Variants in HMCN1 observed in about 807,000 individuals in gnomAD.
HMCN1 encodes the protein hemicentin 1, also known as hemicentin-1.
Under a neutral mutation model 625.9 loss-of-function variants are expected in HMCN1, and 321 were observed. The ratio of observed to expected loss-of-function variants is 0.51; its 90% CI spans 0.47 to 0.56. The LOEUF (loss-of-function observed/expected upper bound fraction) is 0.56, where lower values mean the gene tolerates loss of function less well. Ranked by LOEUF, HMCN1 falls within the 20% of genes least tolerant of loss-of-function variation. HMCN1 has a pLI of 0.00. For synonymous variants in HMCN1, 2,425 were observed against 2,417.6 expected (o/e 1.00, Z -0.09); for missense variants, 6,588 against 6,887.3 (o/e 0.96, Z 1.54).
chr1:185,777,093 G>A (rs557212433), intron 1 of HMCN1, among the ~76,000 whole-genome samples: 65 of 152,206 alleles, frequency 4.3e-4, no homozygotes, highest in African/African-American at 1.5e-3. Flanking sequence ...GTCTTATTTT[G>A]CATAATTTTC....
chr1:185,870,218 A>T (rs1477679282), intron 4 of HMCN1, among the ~76,000 whole-genome samples: 1 of 152,154 alleles, frequency 6.6e-6, no homozygotes, highest in Non-Finnish European at 1.5e-5. Flanking sequence ...TTCACCTTTG[A>T]ATACAGACAA....
chr1:185,985,006 A>G (rs921009596), intron 19 of HMCN1, among the ~76,000 whole-genome samples: 4 of 152,226 alleles, frequency 2.6e-5, no homozygotes, highest in African/African-American at 9.6e-5. Flanking sequence ...ATCTGAGGGA[A>G]GAAAGTACTA....
At chr1:185,887,237 A>T (rs142515074) in intron 4 of HMCN1, among the ~76,000 whole-genome samples, 1 of 152,144 alleles carries the variant, frequency 6.6e-6, no homozygotes, top group South Asian at 2.1e-4. Flanking sequence ...ACATTTTCTC[A>T]TCCATACTAA....
rs542199919 is a variant in HMCN1, at chr1:186,063,597, A to G, written c.7513+997A>G. On this transcript the variant is annotated intron_variant, in intron 48 of 106. Coordinates refer to ENST00000271588, the MANE Select transcript of HMCN1 (RefSeq NM_031935.3). Reference sequence around the variant, plus strand: ...CTTACATGTATGTTTATCTTGCCCTACCTTTTTAAATTTTTGTTTCCTTCC... The same window carrying G: ...CTTACATGTATGTTTATCTTGCCCTGCCTTTTTAAATTTTTGTTTCCTTCC... Among the ~76,000 whole-genome samples the G allele has an allele frequency of 2.6e-5, 4 of 152,064 alleles. No individual in the cohort carries two copies. The East Asian group carries it at 7.7e-4, about 29-fold the overall frequency.
chr1:185,790,568 T>C (rs1657920392), intron 1 of HMCN1, among the ~76,000 whole-genome samples: 1 of 152,174 alleles, frequency 6.6e-6, no homozygotes, highest in African/African-American at 2.4e-5. Context: ...AAAGGAAAAG[T>C]GGAGAGGAAA....
At chr1:185,811,286 T>C (rs1394186140) in intron 1 of HMCN1, among the ~76,000 whole-genome samples, 1 of 152,160 alleles carries the variant, frequency 6.6e-6, no homozygotes, top group Non-Finnish European at 1.5e-5. Context: ...TGCCCTCCAC[T>C]GTGCTCCATT....
chr1:186,175,942 C>CA (rs985218973), intron 103 of HMCN1, among the ~76,000 whole-genome samples: 1 of 149,412 alleles, frequency 6.7e-6, no homozygotes, highest in African/African-American at 2.5e-5. Context: ...GAAACTGTCT[C>CA]AAAAAAAGAG....
At chr1:185,799,392 A>G (rs1039100463) in intron 1 of HMCN1, among the ~76,000 whole-genome samples, 3 of 152,158 alleles carry the variant, frequency 2.0e-5, no homozygotes, top group Non-Finnish European at 4.4e-5. Context: ...GGGATGCCCA[A>G]TGGCTTGGAC....
rs775036108 is a variant in HMCN1 at position 186,063,067 on chromosome 1, CATATATATATATATATATATATAT to C, written c.7513+480_7513+503del. On this transcript the variant is annotated intron_variant, in intron 48 of 106. Transcript: ENST00000271588. Reference sequence around the variant, plus strand: ...GTGTGTGTGTGTGTGTGTGTGTGTGCATATATATATATATATATATATATATATATATATATCACATTTTCATTA... The same window carrying C: ...GTGTGTGTGTGTGTGTGTGTGTGTGCATATATATATATCACATTTTCATTA... Among the ~76,000 whole-genome samples the C allele has an allele frequency of 1.4e-3, 85 of 59,840 alleles. 3 individuals are homozygous for C. The East Asian group carries it at 0.046, about 32-fold the overall frequency. 39.3% of individuals were successfully genotyped at this position (59,840 alleles called of 152,430 possible).
chr1:185,774,076 T>C (rs768079413), intron 1 of HMCN1, among the ~76,000 whole-genome samples: 4 of 152,200 alleles, frequency 2.6e-5, no homozygotes, highest in Non-Finnish European at 5.9e-5. Flanking sequence ...TTTTGTTCCA[T>C]ACTATAGAAT....
intron 75 of HMCN1, among the ~76,000 whole-genome samples, chr1:186,116,583 T>C (rs1244823614): frequency 6.6e-6 from 1 of 152,146 alleles, no homozygotes; most frequent in Non-Finnish European, 1.5e-5. Context: ...TGCTAGGTTA[T>C]TGTGAAATTT....
intron 26 of HMCN1, among the ~76,000 whole-genome samples, chr1:186,000,570 T>TGTGC (rs1653120722): frequency 1.5e-5 from 2 of 137,038 alleles, no homozygotes; most frequent in African/African-American, 7.0e-5. Context: ...TGTGTGTGTG[T>TGTGC]GTGTGTGTGT....
chr1:185,780,641 G>C (rs1657009630), intron 1 of HMCN1, among the ~76,000 whole-genome samples: 2 of 152,116 alleles, frequency 1.3e-5, no homozygotes, highest in Non-Finnish European at 2.9e-5. Context: ...TTTATATGCT[G>C]GATTACGTTT....
intron 1 of HMCN1, among the ~76,000 whole-genome samples, chr1:185,810,196 G>A (rs891895106): frequency 1.3e-5 from 2 of 151,996 alleles, no homozygotes; most frequent in Non-Finnish European, 2.9e-5. Context: ...ATCCAATCTA[G>A]TCTCTTTCAT....
At chr1:185,817,575 A>T (rs1436946381) in intron 1 of HMCN1, among the ~76,000 whole-genome samples, 1 of 152,212 alleles carries the variant, frequency 6.6e-6, no homozygotes, top group Non-Finnish European at 1.5e-5. Context: ...GTGCTTAAGG[A>T]TCACAAATAA....
chr1:185,735,072 C>T (rs1406402642), intron 1 of HMCN1, 25 bp downstream of exon 1: 1 of 1,609,322 alleles, frequency 6.2e-7, no homozygotes, highest in Non-Finnish European at 8.5e-7. Flanking sequence ...TATACTTTGT[C>T]TTTGCTATGT....
chr1:185,764,936 A>G (rs919931239), intron 1 of HMCN1, among the ~76,000 whole-genome samples: 1 of 152,168 alleles, frequency 6.6e-6, no homozygotes, highest in African/African-American at 2.4e-5. Context: ...CTTGCCATTC[A>G]TAGGCAATGC....
chr1:186,137,364 A>C, intron 87 of HMCN1, 134 bp from the exon 88 acceptor site: 2 of 1,062,802 alleles, frequency 1.9e-6, no homozygotes, highest in Non-Finnish European at 2.8e-6. Flanking sequence ...AATTTTCCTT[A>C]AAGGAGAGCT....
intron 4 of HMCN1, among the ~76,000 whole-genome samples, chr1:185,905,261 C>T (rs1316263317): frequency 6.6e-6 from 1 of 151,590 alleles, no homozygotes; most frequent in Non-Finnish European, 1.5e-5. Flanking sequence ...CCTTTTCTTT[C>T]TTCTTTTATC....
Sources: allele counts gnomAD v4.1 joint callset (sites outside exome capture counted in the v4.1 genomes callset), GRCh38; gene constraint gnomAD v4.1.1; transcripts MANE v1.5; gene names NCBI Gene and HGNC (gene_info 2026-07-23, HGNC 2026-07-21).